Variants in ZNF581 observed in about 807,000 individuals in gnomAD.
ZNF581 encodes the protein zinc finger protein 581.
In ZNF581, 1 loss-of-function variant was observed where a neutral mutation model predicts 1.2. The observed-to-expected ratio is 0.83, with a 90% CI of 0.30 to 3.95. ZNF581 has a LOEUF of 3.95. Ranked by LOEUF, ZNF581 falls within the 30% of genes most tolerant of loss-of-function variation. The pLI, the probability that ZNF581 is intolerant of heterozygous loss-of-function variation, is 0.18. For synonymous variants in ZNF581, 105 were observed against 109.2 expected (o/e 0.96, Z 0.24); for missense variants, 273 against 274.6 (o/e 0.99, Z 0.04).
At chr19:55,640,656 C>T (rs1009342593), upstream of ZNF581, 3 of 985,484 alleles carry the variant, frequency 3.0e-6, no homozygotes, top group Non-Finnish European at 3.6e-6. Flanking sequence ...TCGGTCTCCA[C>T]ATTTGCTCAG....
At chr19:55,635,963 C>T (rs1982067053) in intron 1 of ZNF581, among the ~76,000 whole-genome samples, 1 of 152,070 alleles carries the variant, frequency 6.6e-6, no homozygotes, top group Admixed American at 6.5e-5. Flanking sequence ...TAAGCCTTTG[C>T]GTGTGGAGCT....
upstream of ZNF581, among the ~76,000 whole-genome samples, chr19:55,636,743 T>A (rs1344408740): frequency 6.6e-6 from 1 of 152,088 alleles, no homozygotes; most frequent in Non-Finnish European, 1.5e-5. Context: ...GCAGGGCACC[T>A]GGAGCTACCA....
upstream of ZNF581, chr19:55,640,720 A>C (rs1483007539): frequency 3.0e-6 from 3 of 985,316 alleles, no homozygotes; most frequent in Non-Finnish European, 3.6e-6. Flanking sequence ...GCCACGGCCG[A>C]GCAGGCAGCG....
chr19:55,645,569 C>T lies in ZNF581; in HGVS notation c.*404C>T, dbSNP rs908239080. 2.2e-5 allele frequency: 4 copies of T among 184,324 alleles called. No homozygotes were observed. Among genetic ancestry groups the T allele is most frequent in the Non-Finnish European group, 3.7e-5 (3 of 80,206 alleles). 11.4% of individuals were successfully genotyped at this position (184,324 alleles called of 1,614,324 possible). On this transcript the variant is annotated 3_prime_UTR_variant, in exon 2 of 2. Transcript: ENST00000270451. ...GGGAAGGGACCCCAGTCCTGCCTTC[C>T]ACCCCCCAACCAGGCCTGAGACTGA...
At position 55,643,756 on chromosome 19, in the gene ZNF581, T is replaced by A. The variant is rs906317979; in HGVS notation, c.-38T>A. ...GGGGCCGCTTGGAGTCGCCCGGACC[T>A]GAGAGGCTGCTGCACTGGGTACGGG... is the stretch of plus-strand genomic sequence containing the variant. On this transcript the variant is annotated 5_prime_UTR_variant, in exon 1 of 2. Transcript: ENST00000270451. The A allele has an allele frequency of 2.7e-5, 4 of 149,684 alleles. No homozygotes were observed. The highest frequency in any genetic ancestry group is 7.4e-5 in the African/African-American group (3 of 40,594). 9.3% of individuals were successfully genotyped at this position (149,684 alleles called of 1,614,324 possible).
upstream of ZNF581, among the ~76,000 whole-genome samples, chr19:55,636,088 T>G (rs1182736933): frequency 6.6e-6 from 1 of 152,168 alleles, no homozygotes; most frequent in East Asian, 1.9e-4. Flanking sequence ...CCTCAAATTC[T>G]AGGCTGAGAA....
upstream of ZNF581, chr19:55,641,277 G>T: frequency 1.2e-6 from 1 of 802,120 alleles, no homozygotes; most frequent in Non-Finnish European, 1.5e-6. Context: ...CCGGGATGGG[G>T]GTGGGGGTCG....
At position 55,644,755 on chromosome 19, in the gene ZNF581, C is replaced by T. The variant is rs752661684; in HGVS notation, c.184C>T (p.Pro62Ser). The T allele has an allele frequency of 1.9e-6, 3 of 1,614,096 alleles. No homozygotes were observed. Among genetic ancestry groups the T allele is most frequent in the Non-Finnish European group, 2.5e-6 (3 of 1,179,968 alleles). Residue 62 changes from proline (P) to serine (S), a missense_variant, in exon 2 of 2, where the codon CCC (proline) becomes TCC (serine). By Grantham distance (74) the Pro-to-Ser change is moderately conservative. Transcript: ENST00000270451. This position sits in a 1 kb window ranked among gnomAD's most constrained non-coding sequence, Gnocchi z 4.3. ...HYLLIDTQGV[P>S]YTVLVDEESQ... ...CCTGCTTATTGACACTCAGGGTGTC[C>T]CCTACACAGTGCTGGTGGACGAGGA... is the stretch of plus-strand genomic sequence containing the variant.
At chr19:55,640,084 G>A (rs1422249216), upstream of ZNF581, 4 of 977,820 alleles carry the variant, frequency 4.1e-6, no homozygotes. Flanking sequence ...GGGTCTTGGG[G>A]CTCGCTGTGA....
chr19:55,636,845 TCA>T (rs552930787), upstream of ZNF581, among the ~76,000 whole-genome samples: 17 of 152,132 alleles, frequency 1.1e-4, no homozygotes, highest in South Asian at 1.9e-3. Flanking sequence ...GAAAGGAACA[TCA>T]CAGAGAGGGG....
upstream of ZNF581, chr19:55,640,402 A>T: frequency 4.1e-6 from 4 of 985,466 alleles, no homozygotes; most frequent in Non-Finnish European, 2.4e-6. Context: ...CGCATCTGGC[A>T]AAGCCTGGCC....
upstream of ZNF581, among the ~76,000 whole-genome samples, chr19:55,638,576 C>T (rs1240147991): frequency 2.6e-5 from 4 of 152,014 alleles, no homozygotes; most frequent in Non-Finnish European, 2.9e-5. Flanking sequence ...GTGAACTCAG[C>T]GAGATCTCAC....
At chr19:55,640,943 G>A, upstream of ZNF581, 1 of 985,366 alleles carries the variant, frequency 1.0e-6, no homozygotes, top group Non-Finnish European at 1.2e-6. Context: ...GGCGAGGGGT[G>A]GGAGCGCCGG....
upstream of ZNF581, chr19:55,640,806 G>A: frequency 2.0e-6 from 2 of 985,490 alleles, no homozygotes; most frequent in Non-Finnish European, 2.4e-6. Flanking sequence ...TCGGTTTATT[G>A]GCCGATCTCT....
chr19:55,640,702 G>A, upstream of ZNF581: 1 of 985,472 alleles, frequency 1.0e-6, no homozygotes, highest in Non-Finnish European at 1.2e-6. Context: ...CCTCTACCTC[G>A]GTGGGTGGCC....
chr19:55,638,430 G>C (rs1224433165), upstream of ZNF581, among the ~76,000 whole-genome samples: 2 of 152,094 alleles, frequency 1.3e-5, no homozygotes, highest in African/African-American at 4.8e-5. Context: ...GTAGAGACCA[G>C]GTTACACCGT....
chr19:55,641,064 G>T, upstream of ZNF581: 1 of 985,230 alleles, frequency 1.0e-6, no homozygotes, highest in Non-Finnish European at 1.2e-6. Flanking sequence ...CGCGTCCCCG[G>T]CGCCGCCGGC....
At chr19:55,642,040 A>T, upstream of ZNF581, 1 of 985,490 alleles carries the variant, frequency 1.0e-6, no homozygotes, top group African/African-American at 1.8e-5. Context: ...GGGGGCGGCA[A>T]AGGGAGGGGA....
chr19:55,636,551 G>T (rs1299976455), upstream of ZNF581, among the ~76,000 whole-genome samples: 2 of 152,276 alleles, frequency 1.3e-5, no homozygotes, highest in East Asian at 3.9e-4. Flanking sequence ...ATATCGAATT[G>T]ATTCCTTACC....
Sources: allele counts gnomAD v4.1 joint callset (sites outside exome capture counted in the v4.1 genomes callset), GRCh38; gene constraint gnomAD v4.1.1; non-coding constraint Gnocchi (gnomAD v3.1); transcripts MANE v1.5; gene names NCBI Gene and HGNC (gene_info 2026-07-23, HGNC 2026-07-21).